Variants in CSGALNACT1 observed in about 807,000 individuals in gnomAD.
CSGALNACT1 encodes the protein beta4GalNAcT-1.
In CSGALNACT1, 52 loss-of-function variants were observed where a neutral mutation model predicts 51.0. That is an observed-to-expected ratio of 1.02 (90% CI 0.82 to 1.29). The LOEUF (loss-of-function observed/expected upper bound fraction) is 1.29. CSGALNACT1 is among the 50% of genes most tolerant of loss of function. CSGALNACT1 has a pLI of 0.00. For missense variants in CSGALNACT1, 935 were observed against 679.2 expected, an observed-to-expected ratio of 1.38 and a Z score of -4.19; for synonymous variants, 341 against 254.4, an observed-to-expected ratio of 1.34 and a Z score of -3.24.
chr8:19,503,267 T>C (rs780598731), intron 4 of CSGALNACT1, among the ~76,000 whole-genome samples: 14 of 152,220 alleles, frequency 9.2e-5, no homozygotes, highest in Non-Finnish European at 1.5e-4. Flanking sequence ...AAAAGCTGTG[T>C]GCTGCCCACG....
Position 19,673,001 on chromosome 8 carries a change from A to T in CSGALNACT1, c.-544+9472T>A, listed in dbSNP as rs2059910318. Among the ~76,000 whole-genome samples the T allele has an allele frequency of 1.3e-5, 2 of 152,232 alleles. 1 individual carries two copies. Among genetic ancestry groups the T allele is most frequent in the South Asian group, 4.1e-4 (2 of 4,836 alleles). ...CTAGAAGTCTCAACATCCTCTTTCC[A>T]AGGCCCTCTTTTCAGAGTTCGAAGT... On this transcript the variant is annotated intron_variant, in intron 1 of 9. Transcript: ENST00000332246.
At chr8:19,753,949 T>C (rs2065200020) in intron 1 of CSGALNACT1, among the ~76,000 whole-genome samples, 1 of 152,186 alleles carries the variant, frequency 6.6e-6, no homozygotes, top group African/African-American at 2.4e-5. Context: ...TAAGAAGTCT[T>C]CTCAAAAACA....
At chr8:19,428,161 C>G (rs373045139) in intron 6 of CSGALNACT1, among the ~76,000 whole-genome samples, 26 of 152,306 alleles carry the variant, frequency 1.7e-4, no homozygotes, top group African/African-American at 5.8e-4. Context: ...GCCCTGCACC[C>G]TGAGGCATGC....
intron 1 of CSGALNACT1, among the ~76,000 whole-genome samples, chr8:19,658,979 T>A (rs1194434073): frequency 6.6e-6 from 1 of 152,166 alleles, no homozygotes; most frequent in African/African-American, 2.4e-5. Flanking sequence ...GAGCTGTGAA[T>A]AACCAGCTTC....
At chr8:19,506,545 T>A (rs1314812165) in intron 3 of CSGALNACT1, among the ~76,000 whole-genome samples, 4 of 152,218 alleles carry the variant, frequency 2.6e-5, no homozygotes, top group Non-Finnish European at 5.9e-5. Flanking sequence ...CTGTGTTTGT[T>A]TGTCCCCTCC....
At chr8:19,420,311 C>A (rs776183517) in intron 7 of CSGALNACT1, 29 bp downstream of exon 6, 3 of 1,612,752 alleles carry the variant, frequency 1.9e-6, no homozygotes, top group East Asian at 2.2e-5. Context: ...CTGGGGGCCA[C>A]CTGAGCGTGA....
At chr8:19,625,751 G>T (rs1041906232) in intron 1 of CSGALNACT1, among the ~76,000 whole-genome samples, 1 of 152,146 alleles carries the variant, frequency 6.6e-6, no homozygotes, top group African/African-American at 2.4e-5. Context: ...TTAAGAGAGG[G>T]GGCCTTAAGG....
intron 1 of CSGALNACT1, among the ~76,000 whole-genome samples, chr8:19,681,117 G>C (rs2060586445): frequency 6.6e-6 from 1 of 152,062 alleles, no homozygotes; most frequent in South Asian, 2.1e-4. Flanking sequence ...GATATGAAGG[G>C]ACGACCTTAC....
chr8:19,516,544 C>G (rs10105464), intron 3 of CSGALNACT1, among the ~76,000 whole-genome samples: 2 of 152,114 alleles, frequency 1.3e-5, no homozygotes, highest in Admixed American at 1.3e-4. Context: ...CCCATGTAGC[C>G]GTGATCTGCA....
At chr8:19,420,461 T>A (rs759002847) in exon 7 of CSGALNACT1, 14 of 1,614,180 alleles carry the variant, frequency 8.7e-6, no homozygotes, top group Non-Finnish European at 1.2e-5. Flanking sequence ...CAAGTCCCTT[T>A]CCCCGAGAAA....
At chr8:19,444,067 A>G (rs1348175667) in intron 5 of CSGALNACT1, among the ~76,000 whole-genome samples, 1 of 152,196 alleles carries the variant, frequency 6.6e-6, no homozygotes, top group Non-Finnish European at 1.5e-5. Flanking sequence ...TCAGGTGGTA[A>G]TGCTCACTTA....
intron 3 of CSGALNACT1, among the ~76,000 whole-genome samples, chr8:19,564,640 C>G (rs2041524548): frequency 6.6e-6 from 1 of 152,154 alleles, no homozygotes; most frequent in South Asian, 2.1e-4. Flanking sequence ...CCACAGCACT[C>G]ACTCCTTTGT....
At chr8:19,522,717 C>T (rs2080966855) in intron 3 of CSGALNACT1, among the ~76,000 whole-genome samples, 1 of 152,214 alleles carries the variant, frequency 6.6e-6, no homozygotes, top group Admixed American at 6.5e-5. Context: ...GCAGCAAGCA[C>T]ATTTGGGAGA....
At chr8:19,453,161 C>G (rs920612294) in intron 5 of CSGALNACT1, among the ~76,000 whole-genome samples, 1 of 151,996 alleles carries the variant, frequency 6.6e-6, no homozygotes, top group Non-Finnish European at 1.5e-5. Context: ...AAAAATGGGT[C>G]TGAAAGAAAA....
intron 2 of CSGALNACT1, among the ~76,000 whole-genome samples, chr8:19,591,898 G>T (rs2047900690): frequency 6.6e-6 from 1 of 151,988 alleles, no homozygotes. Flanking sequence ...TTAAAAATCT[G>T]CCATCACCTT....
At chr8:19,538,836 C>G (rs1276877849) in intron 3 of CSGALNACT1, among the ~76,000 whole-genome samples, 2 of 152,110 alleles carry the variant, frequency 1.3e-5, no homozygotes, top group Non-Finnish European at 2.9e-5. Flanking sequence ...TGCCCCCAGA[C>G]TCTGTGTCTC....
Position 19,593,531 on chromosome 8 carries a change from T to C in CSGALNACT1, c.-415-2253A>G, listed in dbSNP as rs559110072. Among the ~76,000 whole-genome samples the C allele has an allele frequency of 3.3e-5, 5 of 152,318 alleles. No individual in the cohort carries two copies. The South Asian group carries it at 8.3e-4, about 25-fold the overall frequency. On this transcript the variant is annotated intron_variant, in intron 2 of 9. Transcript: ENST00000454498. ...TGGCCCACGGACTACACTAGGGCCATCTGCAGGTTCTAGATGACCCTTTGC... is the reference window on the plus strand; with the variant it reads ...TGGCCCACGGACTACACTAGGGCCACCTGCAGGTTCTAGATGACCCTTTGC...
intron 1 of CSGALNACT1, among the ~76,000 whole-genome samples, chr8:19,703,780 C>G (rs183732275): frequency 6.0e-4 from 91 of 152,356 alleles, no homozygotes; most frequent in Admixed American, 1.6e-3. Flanking sequence ...CTCAGAACAA[C>G]ATATTCTACA....
chr8:19,525,094 G>A (rs978357225), intron 3 of CSGALNACT1, among the ~76,000 whole-genome samples: 1 of 152,172 alleles, frequency 6.6e-6, no homozygotes, highest in African/African-American at 2.4e-5. Context: ...AGAAAAGCAA[G>A]CATGCCCCTT....
Sources: gnomAD v4.1 joint callset for allele counts (sites outside exome capture counted in the v4.1 genomes callset) on GRCh38, gnomAD v4.1.1 for gene constraint, MANE v1.5 for transcripts, NCBI Gene and HGNC (gene_info 2026-07-23, HGNC 2026-07-21) for gene names.